The following FLVCR1 variants were observed in gnomAD, a reference collection of about 807,000 sequenced individuals.
FLVCR1 encodes the protein choline/ethanolamine transporter FLVCR1.
FLVCR1 carries 34 observed loss-of-function variants against 53.6 expected under a neutral mutation model. The ratio of observed to expected loss-of-function variants is 0.63; its 90% CI spans 0.48 to 0.84. The LOEUF (loss-of-function observed/expected upper bound fraction) is 0.84. FLVCR1 is among the 40% of genes least tolerant of loss of function. FLVCR1 has a pLI of 0.00. For missense variants in FLVCR1, 677 were observed against 696.7 expected, an observed-to-expected ratio of 0.97 and a Z score of 0.32; for synonymous variants, 300 against 286.3, an observed-to-expected ratio of 1.05 and a Z score of -0.48.
At chr1:212,868,867 C>A (rs1253697901) in intron 2 of FLVCR1, among the ~76,000 whole-genome samples, 1 of 152,026 alleles carries the variant, frequency 6.6e-6, no homozygotes, top group Non-Finnish European at 1.5e-5. Context: ...TATATTGTAT[C>A]ATGTAATCTT....
At chr1:212,859,717 CAAAT>C (rs1236848078) in intron 1 of FLVCR1, among the ~76,000 whole-genome samples, 1 of 150,232 alleles carries the variant, frequency 6.7e-6, no homozygotes, top group Non-Finnish European at 1.5e-5. Flanking sequence ...GACTCTGTCT[CAAAT>C]AATAATAATA....
intron 2 of FLVCR1, among the ~76,000 whole-genome samples, chr1:212,864,773 G>A (rs1349617271): frequency 6.6e-6 from 1 of 152,084 alleles, no homozygotes; most frequent in Non-Finnish European, 1.5e-5. Context: ...TAATAGTAAT[G>A]GAAAATTCAT....
At chr1:212,883,322 T>C (rs746384895) in intron 3 of FLVCR1, 49 bp from the exon 4 acceptor site, 7 of 1,004,818 alleles carry the variant, frequency 7.0e-6, no homozygotes, top group South Asian at 4.0e-5. Context: ...GTATTCTCTT[T>C]ATTATTGTAG....
At chr1:212,886,817 A>G (rs1017054677) in intron 5 of FLVCR1, among the ~76,000 whole-genome samples, 4 of 152,164 alleles carry the variant, frequency 2.6e-5, no homozygotes, top group African/African-American at 9.7e-5. Flanking sequence ...ATAAAAAAAA[A>G]AGAATATACT....
In FLVCR1 at chr1:212,897,629, G is replaced by A. The variant is rs756799049; in HGVS notation, c.*2339G>A. ...GTAAGCATGGCACCAGTGTCTGCTCGGCTTCTGGGGAGCCCTCAGGGAGCT... is the reference window on the plus strand; with the variant it reads ...GTAAGCATGGCACCAGTGTCTGCTCAGCTTCTGGGGAGCCCTCAGGGAGCT... On this transcript the variant is annotated 3_prime_UTR_variant, in exon 10 of 10. Transcript: ENST00000366971. The A allele has an allele frequency of 6.6e-6, 1 of 152,226 alleles. No individual in the cohort carries two copies. Among genetic ancestry groups the A allele is most frequent in the Non-Finnish European group, 1.5e-5 (1 of 68,074 alleles). The allele number at this position is 152,226 out of a possible 1,614,324, so 9.4% of individuals were successfully genotyped here.
At chr1:212,874,934 C>CACACACACAG (rs1433777116) in intron 3 of FLVCR1, among the ~76,000 whole-genome samples, 1 of 151,904 alleles carries the variant, frequency 6.6e-6, no homozygotes, top group African/African-American at 2.4e-5. Flanking sequence ...CACACACACA[C>CACACACACAG]ACACACAGAC....
intron 8 of FLVCR1, among the ~76,000 whole-genome samples, chr1:212,891,728 TA>T (rs1350579971): frequency 1.3e-5 from 2 of 152,144 alleles, no homozygotes; most frequent in Non-Finnish European, 1.5e-5. Flanking sequence ...GGAAGAGTAG[TA>T]AATCTCTCCT....
At chr1:212,870,853 A>G (rs1001135817) in intron 2 of FLVCR1, among the ~76,000 whole-genome samples, 25 of 152,090 alleles carry the variant, frequency 1.6e-4, no homozygotes, top group African/African-American at 5.8e-4. Flanking sequence ...TGCAACCTCC[A>G]CCTCCTGGGT....
intron 8 of FLVCR1, among the ~76,000 whole-genome samples, chr1:212,893,056 C>CTT (rs147082806): frequency 0.03 from 3,637 of 121,316 alleles, 79 homozygotes; most frequent in African/African-American, 0.042. Context: ...AGGGTTGCTT[C>CTT]TTTTTTTTTG....
At chr1:212,892,460 C>G (rs1022866458) in intron 8 of FLVCR1, among the ~76,000 whole-genome samples, 1 of 152,200 alleles carries the variant, frequency 6.6e-6, no homozygotes, top group Non-Finnish European at 1.5e-5. Flanking sequence ...AACAATGAAC[C>G]TGAACCCCGT....
At chr1:212,894,445 G>A (rs888432875) in intron 8 of FLVCR1, among the ~76,000 whole-genome samples, 3 of 152,098 alleles carry the variant, frequency 2.0e-5, no homozygotes, top group Admixed American at 1.3e-4. Flanking sequence ...GACCCACCAC[G>A]CCCAGCAATA....
At chr1:212,863,213 G>A (rs1224271068) in intron 1 of FLVCR1, among the ~76,000 whole-genome samples, 1 of 152,202 alleles carries the variant, frequency 6.6e-6, no homozygotes, top group African/African-American at 2.4e-5. Context: ...TCAGATGGTA[G>A]GAACTCAGTA....
chr1:212,867,615 T>C (rs1440222959), intron 2 of FLVCR1, among the ~76,000 whole-genome samples: 2 of 152,216 alleles, frequency 1.3e-5, no homozygotes, highest in Admixed American at 6.5e-5. Flanking sequence ...TAAGTGGTAA[T>C]GCTGTTGTAT....
At chr1:212,889,674 C>T (rs1665140763) in intron 8 of FLVCR1, among the ~76,000 whole-genome samples, 1 of 148,596 alleles carries the variant, frequency 6.7e-6, no homozygotes, top group African/African-American at 2.5e-5. Flanking sequence ...AGGAAAATTG[C>T]TTGAACCCAG....
At chr1:212,887,516 G>C (rs1238693053) in intron 5 of FLVCR1, among the ~76,000 whole-genome samples, 2 of 152,216 alleles carry the variant, frequency 1.3e-5, no homozygotes, top group Non-Finnish European at 2.9e-5. Context: ...TATAGTGCCA[G>C]TATGATAAGG....
chr1:212,896,661 A>G lies in FLVCR1; in HGVS notation c.*1371A>G, dbSNP rs534731445. The G allele has an allele frequency of 6.6e-6, 1 of 152,110 alleles. No individual in the cohort carries two copies. Among genetic ancestry groups the G allele is most frequent in the East Asian group, 1.9e-4 (1 of 5,180 alleles). The allele number at this position is 152,110 out of a possible 1,614,324, so 9.4% of individuals were successfully genotyped here. The stretch of plus-strand genomic sequence containing the variant: ...CAAAAAAGCTAGTCAGGTAATGAAT[A>G]CCCTTGAAGTGAATAGCAATTTTGA... On this transcript the variant is annotated 3_prime_UTR_variant, in exon 10 of 10. Coordinates refer to ENST00000366971, the MANE Select transcript of FLVCR1 (RefSeq NM_014053.4).
intron 1 of FLVCR1, among the ~76,000 whole-genome samples, chr1:212,861,511 A>G (rs1664239508): frequency 6.6e-6 from 1 of 152,168 alleles, no homozygotes; most frequent in African/African-American, 2.4e-5. Context: ...TTACTAATGA[A>G]GTCCCTTTCA....
intron 8 of FLVCR1, among the ~76,000 whole-genome samples, chr1:212,890,599 A>G (rs1665167190): frequency 6.6e-6 from 1 of 152,244 alleles, no homozygotes; most frequent in African/African-American, 2.4e-5. Context: ...ACCATTTCAT[A>G]TAAAGGCCTT....
chr1:212,874,518 CTTTTTTTCTTTT>C lies in FLVCR1; in HGVS notation c.1024+1708_1024+1719del, dbSNP rs1664697162. Among the ~76,000 whole-genome samples, 4 of 74,506 alleles carry C rather than the reference CTTTTTTTCTTTT, an allele frequency of 5.4e-5. No homozygotes were observed. The South Asian group carries it at 2.1e-3, about 40-fold the overall frequency. The allele number at this position is 74,506 out of a possible 152,430, so 48.9% of individuals were successfully genotyped here. ...TTTCTTTTGCCTGTCATTTAATTTT[CTTTTTTTCTTTT>C]TTTTTTTTTTTTTTTTGAGATGGAG... On this transcript the variant is annotated intron_variant, in intron 3 of 9. Transcript: ENST00000366971.
Sources: gnomAD v4.1 joint callset for allele counts (sites outside exome capture counted in the v4.1 genomes callset) on GRCh38, gnomAD v4.1.1 for gene constraint, MANE v1.5 for transcripts, NCBI Gene and HGNC (gene_info 2026-07-23, HGNC 2026-07-21) for gene names.